The following TAF1 variants were observed in gnomAD, a reference collection of about 807,000 sequenced individuals.
TAF1 encodes the protein TATA-box binding protein associated factor 1, also known as transcription initiation factor TFIID subunit 1.
Under a neutral mutation model 138.5 loss-of-function variants are expected in TAF1, and 2 were observed. The ratio of observed to expected loss-of-function variants is 0.01; its 90% CI spans 0.01 to 0.05. The LOEUF (loss-of-function observed/expected upper bound fraction) is 0.05. TAF1 is among the 10% of genes least tolerant of loss of function. The probability of loss-of-function intolerance (pLI) is 1.00; values close to 1 mark genes in which losing one functional copy is unlikely to be tolerated. For synonymous variants in TAF1, 437 were observed against 503.2 expected (o/e 0.87, Z 1.76); for missense variants, 709 against 1,478.0 (o/e 0.48, Z 8.53).
intron 3 of TAF1, among the ~76,000 whole-genome samples, chrX:71,373,528 G>A (rs1399848383): frequency 8.9e-6 from 1 of 111,769 alleles, no homozygotes; most frequent in Non-Finnish European, 1.9e-5. Context: ...TGAGATTGAT[G>A]AAGGAGACAG....
chrX:71,423,792 A>G (rs908324090), intron 30 of TAF1, among the ~76,000 whole-genome samples, 182 bp from the exon 31 acceptor site: 10 of 112,146 alleles, frequency 8.9e-5, no homozygotes, highest in African/African-American at 3.2e-4. Context: ...ATCATGGCAT[A>G]GAAATCCTTA....
chrX:71,397,953 A>G (rs766638167), intron 23 of TAF1, among the ~76,000 whole-genome samples: 2 of 112,331 alleles, frequency 1.8e-5, no homozygotes, highest in African/African-American at 6.4e-5. Context: ...GCCAAATTAC[A>G]GGGAAAATTC....
At chrX:71,529,390 C>G (rs920651285) in intron 14 of TAF1, 1 of 162,421 alleles carries the variant, frequency 6.2e-6, no homozygotes, top group African/African-American at 3.2e-5. Context: ...TTACAGAGTG[C>G]TGATTGGTGC....
intron 32 of TAF1, among the ~76,000 whole-genome samples, chrX:71,430,414 T>C (rs1183040153): frequency 9.4e-6 from 1 of 106,480 alleles, no homozygotes. Flanking sequence ...AAGGCACATC[T>C]ATATGATGAA....
intron 3 of TAF1, among the ~76,000 whole-genome samples, chrX:71,369,637 G>A (rs1326938532): frequency 6.2e-5 from 6 of 97,397 alleles, no homozygotes; most frequent in Admixed American, 4.7e-4. Context: ...ACGGAGTCTC[G>A]CTCTATTGCC....
chrX:71,454,076 A>G, intron 32 of TAF1, 94 bp from the exon 33 acceptor site: 1 of 761,544 alleles, frequency 1.3e-6, no homozygotes, highest in Non-Finnish European at 1.9e-6. Context: ...TGGTTTTTCT[A>G]GGTCTAGGAT....
intron 13 of TAF1, among the ~76,000 whole-genome samples, chrX:71,493,709 G>A (rs1448717287): frequency 8.9e-6 from 1 of 112,325 alleles, no homozygotes; most frequent in Non-Finnish European, 1.9e-5. Flanking sequence ...TCCACCGGGA[G>A]CAGTGGCTCA....
At chrX:71,484,196 T>G (rs2039131124) in intron 13 of TAF1, among the ~76,000 whole-genome samples, 1 of 111,523 alleles carries the variant, frequency 9.0e-6, no homozygotes, top group Non-Finnish European at 1.9e-5. Context: ...ATCCTATGGA[T>G]AGACATTTAA....
chrX:71,397,569 ATC>A (rs1225020249), intron 23 of TAF1, 103 bp downstream of exon 23: 10 of 942,370 alleles, frequency 1.1e-5, no homozygotes, highest in Non-Finnish European at 1.2e-5. Flanking sequence ...TGCAACCTCC[ATC>A]TCTCAGGTTC....
At chrX:71,423,685 A>G (rs1463103071) in intron 30 of TAF1, among the ~76,000 whole-genome samples, 1 of 111,930 alleles carries the variant, frequency 8.9e-6, no homozygotes, top group Non-Finnish European at 1.9e-5. Flanking sequence ...TTTGTACTAT[A>G]GGAATGTGTT....
rs4040068 is a variant in TAF1 at position 71,508,086 on chromosome X, C to CTCTA, written c.1367-20455_1367-20454insCTAT. ...GAATATTCTCTCTCTCTCTCTCTCT[C>CTCTA]TATATATATATATATATATATATAT... On this transcript the variant is annotated intron_variant and NMD_transcript_variant, in intron 13 of 14. Transcript: ENST00000373775. Among the ~76,000 whole-genome samples, 323 of 92,178 alleles carry CTCTA rather than the reference C, an allele frequency of 3.5e-3. 4 individuals carry two copies. The highest frequency in any genetic ancestry group is 0.018 in the East Asian group (51 of 2,910). The allele number at this position is 92,178 out of a possible 115,157, so 80.0% of individuals were successfully genotyped here.
intron 3 of TAF1, among the ~76,000 whole-genome samples, chrX:71,373,744 G>A (rs1040016827): frequency 9.0e-6 from 1 of 111,690 alleles, no homozygotes; most frequent in Admixed American, 9.6e-5. Context: ...TCTAGGTGAA[G>A]GTGATTCTTG....
Position 71,464,621 on chromosome X carries a change from A to C in TAF1, c.*575A>C, listed in dbSNP as rs1166456360. ...CTCGGGAGGCTGAGGCAGGAGAATT[A>C]CTTGAACCCGGGAGGCAGAGGTTGC... On this transcript the variant is annotated 3_prime_UTR_variant, in exon 38 of 38. Transcript: ENST00000423759. 6.0e-6 allele frequency: 1 copy of C among 166,263 alleles called. No individual in the cohort carries two copies. Among genetic ancestry groups the C allele is most frequent in the Non-Finnish European group, 1.1e-5 (1 of 89,225 alleles). The allele number at this position is 166,263 out of a possible 1,213,427, so 13.7% of individuals were successfully genotyped here.
chrX:71,368,725 T>C (rs1216518458), intron 3 of TAF1: 4 of 101,856 alleles, frequency 3.9e-5, no homozygotes, highest in African/African-American at 1.4e-4. Context: ...GGCAGGAGAA[T>C]TGCTTCAAAC....
In TAF1 at chrX:71,393,224, T is replaced by TTGTGTGTG. The variant is rs201372159; in HGVS notation, c.3052-43_3052-36dup. The TTGTGTGTG allele has an allele frequency of 1.1e-3, 1,020 of 955,496 alleles. 10 individuals carry two copies. In the African/African-American group the frequency reaches 0.019, roughly 18 times the overall value. The allele number at this position is 955,496 out of a possible 1,213,427, so 78.7% of individuals were successfully genotyped here. On this transcript the variant is annotated intron_variant, in intron 20 of 37. Coordinates refer to ENST00000423759, the MANE Select transcript of TAF1 (RefSeq NM_004606.5). ...TTGTCCTTTGAAATCCCTGAATGAT[T>TTGTGTGTG]TGTGTGTGTGTGTGTGTGTGTGTGT...
chrX:71,406,931 T>G (rs1469530502), intron 26 of TAF1, among the ~76,000 whole-genome samples, 185 bp downstream of exon 26: 1 of 108,529 alleles, frequency 9.2e-6, no homozygotes, highest in Non-Finnish European at 1.9e-5. Flanking sequence ...TTTTTTTTTT[T>G]TTGAGACGGA....
intron 34 of TAF1, among the ~76,000 whole-genome samples, chrX:71,457,693 G>A (rs2038367595): frequency 8.9e-6 from 1 of 112,213 alleles, no homozygotes; most frequent in Admixed American, 9.5e-5. Context: ...GCTTAGAGAT[G>A]TTAAGTAATT....
intron 13 of TAF1, among the ~76,000 whole-genome samples, chrX:71,474,764 C>T (rs981279840): frequency 1.3e-4 from 15 of 111,737 alleles, no homozygotes; most frequent in Non-Finnish European, 2.1e-4. Flanking sequence ...GGCCATCCTA[C>T]TTTAGATAGG....
At chrX:71,500,909 C>CA (rs1472902856) in intron 13 of TAF1, among the ~76,000 whole-genome samples, 1 of 109,174 alleles carries the variant, frequency 9.2e-6, no homozygotes, top group South Asian at 4.0e-4. Context: ...CTAAAAAATA[C>CA]AAAAAATTGC....
Sources: allele counts gnomAD v4.1 joint callset (sites outside exome capture counted in the v4.1 genomes callset), GRCh38; gene constraint gnomAD v4.1.1; transcripts MANE v1.5; gene names NCBI Gene and HGNC (gene_info 2026-07-23, HGNC 2026-07-21).